Variants in LRRC4C observed in about 807,000 individuals in gnomAD.
LRRC4C encodes the protein leucine-rich repeat-containing protein 4C.
In LRRC4C, 5 loss-of-function variants were observed where a neutral mutation model predicts 33.6. The observed-to-expected ratio is 0.15, with a 90% CI of 0.08 to 0.31. The LOEUF (loss-of-function observed/expected upper bound fraction) is 0.31. Among genes scored for constraint, LRRC4C ranks in the 10% least tolerant of loss-of-function variants. The pLI is 1.00. For synonymous variants in LRRC4C, 329 were observed against 302.0 expected (o/e 1.09, Z -0.93); for missense variants, 560 against 796.7 (o/e 0.70, Z 3.58).
At chr11:40,576,466 A>G (rs955573988) in intron 3 of LRRC4C, among the ~76,000 whole-genome samples, 1 of 152,198 alleles carries the variant, frequency 6.6e-6, no homozygotes, top group African/African-American at 2.4e-5. Context: ...TTAATGATAG[A>G]CAAATCTGGA....
At chr11:40,735,283 G>T (rs1486252475) in intron 2 of LRRC4C, among the ~76,000 whole-genome samples, 1 of 151,870 alleles carries the variant, frequency 6.6e-6, no homozygotes, top group Admixed American at 6.6e-5. Context: ...TTAGCATTAG[G>T]TATATCTCCT....
At chr11:41,014,889 G>A (rs951498567) in intron 1 of LRRC4C, among the ~76,000 whole-genome samples, 1 of 142,716 alleles carries the variant, frequency 7.0e-6, no homozygotes, top group Non-Finnish European at 1.6e-5. Context: ...AAACTCGGAT[G>A]TAGACACGTA....
chr11:41,126,017 A>G (rs1942720226), intron 1 of LRRC4C, among the ~76,000 whole-genome samples: 1 of 151,952 alleles, frequency 6.6e-6, no homozygotes, highest in African/African-American at 2.4e-5. Context: ...GAAAGTAGAA[A>G]GTAGAGAAAC....
At chr11:41,015,956 C>T (rs2137600001) in intron 1 of LRRC4C, among the ~76,000 whole-genome samples, 1 of 152,222 alleles carries the variant, frequency 6.6e-6, no homozygotes, top group Middle Eastern at 3.4e-3. Context: ...CGCCACTGCA[C>T]TCCAGCCCGG....
chr11:41,408,654 G>A (rs1954332678), intron 1 of LRRC4C, among the ~76,000 whole-genome samples: 1 of 148,708 alleles, frequency 6.7e-6, no homozygotes, highest in South Asian at 2.2e-4. Flanking sequence ...AATGATGATT[G>A]TATTAATTCT....
chr11:40,612,086 C>T (rs1005916388), intron 3 of LRRC4C, among the ~76,000 whole-genome samples: 1 of 151,784 alleles, frequency 6.6e-6, no homozygotes, highest in Non-Finnish European at 1.5e-5. Context: ...GATATTTGCA[C>T]TTCCATGTTT....
intron 4 of LRRC4C, among the ~76,000 whole-genome samples, chr11:40,244,494 C>T (rs1012202030): frequency 2.0e-5 from 3 of 152,222 alleles, no homozygotes; most frequent in African/African-American, 7.2e-5. Context: ...TCGCCACAAA[C>T]CATTGTCTGC....
At chr11:40,561,008 T>C (rs1957525602) in intron 3 of LRRC4C, among the ~76,000 whole-genome samples, 2 of 152,200 alleles carry the variant, frequency 1.3e-5, no homozygotes, top group African/African-American at 4.8e-5. Context: ...TTTTCTCTCC[T>C]TCTTTTCTCA....
At chr11:40,406,813 T>A (rs1949980225) in intron 3 of LRRC4C, among the ~76,000 whole-genome samples, 1 of 152,246 alleles carries the variant, frequency 6.6e-6, no homozygotes, top group African/African-American at 2.4e-5. Context: ...GCCTACTATT[T>A]AAGACAACTA....
chr11:40,121,109 C>T lies in LRRC4C; in HGVS notation c.-42-4775G>A, dbSNP rs75826783. On this transcript the variant is annotated intron_variant, in intron 6 of 6. Transcript: ENST00000528697. ...TTTAAGACAGGAGCAGCAATAATAT[C>T]GCTTATTCAAATTTGTGGTAAGGAT... Among the ~76,000 whole-genome samples, 1,034 of 152,166 alleles carry T rather than the reference C, an allele frequency of 6.8e-3. 17 individuals are homozygous for T. Among genetic ancestry groups the T allele is most frequent in the African/African-American group, 0.024 (997 of 41,528 alleles).
intron 2 of LRRC4C, among the ~76,000 whole-genome samples, chr11:40,925,422 G>A (rs189898911): frequency 3.6e-4 from 55 of 152,298 alleles, no homozygotes; most frequent in African/African-American, 1.3e-3. Flanking sequence ...GGTCCAGGGA[G>A]TATCTGCTAC....
intron 3 of LRRC4C, among the ~76,000 whole-genome samples, chr11:40,509,340 G>T (rs981308906): frequency 6.6e-6 from 1 of 152,084 alleles, no homozygotes; most frequent in African/African-American, 2.4e-5. Flanking sequence ...CTTGAAAATT[G>T]TTAACAGTAA....
In LRRC4C at chr11:40,232,773, T is replaced by A. The variant is rs1027498272; in HGVS notation, c.-96+8746A>T. On this transcript the variant is annotated intron_variant, in intron 5 of 6. Coordinates refer to ENST00000528697, the MANE Select transcript of LRRC4C (RefSeq NM_001258419.2). ...TGGGAGATTTTTTAGGTGCCATTTC[T>A]CAGAGACTGTTTACTCCTAATACAG... is the stretch of plus-strand genomic sequence containing the variant. 3.3e-5 allele frequency among the ~76,000 whole-genome samples: 5 copies of A among 152,186 alleles called. No individual in the cohort carries two copies. The South Asian group carries it at 1.0e-3, about 32-fold the overall frequency.
At chr11:41,393,050 T>C (rs1953667018) in intron 1 of LRRC4C, among the ~76,000 whole-genome samples, 1 of 151,878 alleles carries the variant, frequency 6.6e-6, no homozygotes, top group African/African-American at 2.4e-5. Context: ...TGATTTTAAA[T>C]AGGGGAGATA....
intron 1 of LRRC4C, among the ~76,000 whole-genome samples, chr11:41,167,381 A>G (rs539005379): frequency 6.6e-6 from 1 of 152,186 alleles, no homozygotes; most frequent in African/African-American, 2.4e-5. Flanking sequence ...TGAACATCCC[A>G]TTCTTTGGAG....
At chr11:40,768,497 C>T (rs140943583) in intron 2 of LRRC4C, among the ~76,000 whole-genome samples, 38 of 152,132 alleles carry the variant, frequency 2.5e-4, no homozygotes, top group African/African-American at 8.2e-4. Flanking sequence ...TTCTACATGA[C>T]CATTATTACA....
chr11:40,976,475 C>A (rs1002194441), intron 1 of LRRC4C, among the ~76,000 whole-genome samples: 2 of 152,142 alleles, frequency 1.3e-5, no homozygotes, highest in Non-Finnish European at 2.9e-5. Flanking sequence ...GTGTTTGTCA[C>A]CAGCGTGATG....
At chr11:40,739,641 G>T (rs1053792248) in intron 2 of LRRC4C, among the ~76,000 whole-genome samples, 1 of 151,950 alleles carries the variant, frequency 6.6e-6, no homozygotes, top group African/African-American at 2.4e-5. Context: ...TCATGGTGGC[G>T]GTTTCCCCCA....
intron 4 of LRRC4C, among the ~76,000 whole-genome samples, chr11:40,274,853 A>C (rs1942984388): frequency 6.6e-6 from 1 of 152,152 alleles, no homozygotes. Flanking sequence ...CAGCAGTAGG[A>C]AACAGCCATT....
Sources: gnomAD v4.1 joint callset for allele counts (sites outside exome capture counted in the v4.1 genomes callset) on GRCh38, gnomAD v4.1.1 for gene constraint, MANE v1.5 for transcripts, NCBI Gene and HGNC (gene_info 2026-07-23, HGNC 2026-07-21) for gene names.